PCBP3: variants seen among roughly 807,000 people sequenced by gnomAD.
PCBP3 encodes the protein poly(rC)-binding protein 3.
In PCBP3, 25 loss-of-function variants were observed where a neutral mutation model predicts 52.7. The observed-to-expected ratio is 0.47, with a 90% CI of 0.35 to 0.66. The LOEUF (loss-of-function observed/expected upper bound fraction) is 0.66, where lower values mean the gene tolerates loss of function less well. Among genes scored for constraint, PCBP3 ranks in the 30% least tolerant of loss-of-function variants. PCBP3 has a pLI of 0.01. For missense variants in PCBP3, 391 were observed against 490.3 expected, an observed-to-expected ratio of 0.80 and a Z score of 1.91; for synonymous variants, 162 against 183.0, an observed-to-expected ratio of 0.89 and a Z score of 0.93.
In PCBP3 at chr21:45,821,360, C is replaced by G. The variant is rs183535285; in HGVS notation, c.-125-28601C>G. 6.3e-4 allele frequency among the ~76,000 whole-genome samples: 95 copies of G among 151,872 alleles called. No homozygotes were observed. Among genetic ancestry groups the G allele is most frequent in the Admixed American group, 1.2e-3 (18 of 15,252 alleles). On this transcript the variant is annotated intron_variant, in intron 4 of 17. Transcript: ENST00000681687. The surrounding 1 kb of genome is among the most constrained non-coding windows in gnomAD (Gnocchi z 4.4). The stretch of plus-strand genomic sequence containing the variant: ...GGAGGTCCTCAACTGAGGTCCAGTA[C>G]CCCCCTGCACCACGCTGTGGGCCCC...
At chr21:45,725,705 A>G (rs555914641) in intron 2 of PCBP3, among the ~76,000 whole-genome samples, 60 of 152,300 alleles carry the variant, frequency 3.9e-4, no homozygotes, top group African/African-American at 1.3e-3. Flanking sequence ...CACATGCTAC[A>G]TGGAGAGCAG....
chr21:45,762,192 G>A (rs906785542), intron 4 of PCBP3: 3 of 152,328 alleles, frequency 2.0e-5, no homozygotes, highest in African/African-American at 7.2e-5. Flanking sequence ...CACATCAGCT[G>A]GACAGCCCAC....
At chr21:45,878,199 G>A (rs1189306462) in intron 5 of PCBP3, among the ~76,000 whole-genome samples, 1 of 152,388 alleles carries the variant, frequency 6.6e-6, no homozygotes, top group East Asian at 1.9e-4. Context: ...ACGCACAGGG[G>A]CAGAACTTTT....
chr21:45,897,751 C>CTCCTGGGCTGCTGTGGG (rs1245452426), intron 6 of PCBP3, among the ~76,000 whole-genome samples: 2 of 152,264 alleles, frequency 1.3e-5, no homozygotes, highest in South Asian at 2.1e-4. Flanking sequence ...ATGCATGGTG[C>CTCCTGGGCTGCTGTGGG]TCCTGGGCTG....
chr21:45,723,236 G>T (rs1015978073), intron 2 of PCBP3, among the ~76,000 whole-genome samples: 1 of 152,184 alleles, frequency 6.6e-6, no homozygotes, highest in Non-Finnish European at 1.5e-5. Context: ...ATGGCCTGCC[G>T]TCTGCGGCCT....
At chr21:45,889,360 G>A (rs537567636) in intron 5 of PCBP3, among the ~76,000 whole-genome samples, 4 of 152,236 alleles carry the variant, frequency 2.6e-5, no homozygotes, top group Non-Finnish European at 5.9e-5. Flanking sequence ...AAGCTGTCAG[G>A]ACCGTCTTCT....
intron 9 of PCBP3, 71 bp from the exon 10 acceptor site, chr21:45,909,284 C>T (rs1458242245): frequency 7.3e-6 from 11 of 1,500,532 alleles, no homozygotes; most frequent in Middle Eastern, 3.5e-4. Context: ...AGTCAGGACA[C>T]ACCCCCTGCC....
chr21:45,863,930 C>A (rs1048583080), intron 5 of PCBP3, among the ~76,000 whole-genome samples: 1 of 152,172 alleles, frequency 6.6e-6, no homozygotes. Flanking sequence ...GATGAAAAAG[C>A]GGAAATTGTG....
At chr21:45,794,928 C>CAAA (rs35538325) in intron 4 of PCBP3, among the ~76,000 whole-genome samples, 1 of 95,818 alleles carries the variant, frequency 1.0e-5, no homozygotes, top group Non-Finnish European at 2.2e-5. Context: ...GACTCTGTCT[C>CAAA]AAAAAAAAAA....
rs936104204 is a variant in PCBP3, at chr21:45,656,861, G to A, written c.-278-12013G>A. On this transcript the variant is annotated intron_variant, in intron 1 of 17. Transcript: ENST00000681687. This position sits in a 1 kb window ranked among gnomAD's most constrained non-coding sequence, Gnocchi z 4.3. ...TCTTGAGACAGAGTTTTGCTCTGTCGCCTAGGCTAGAGTGCAGTGGCGCAA... is the reference window on the plus strand; with the variant it reads ...TCTTGAGACAGAGTTTTGCTCTGTCACCTAGGCTAGAGTGCAGTGGCGCAA... Among the ~76,000 whole-genome samples the A allele has an allele frequency of 2.0e-5, 3 of 151,834 alleles. No individual in the cohort carries two copies. Among genetic ancestry groups the A allele is most frequent in the Non-Finnish European group, 4.4e-5 (3 of 67,978 alleles).
intron 4 of PCBP3, among the ~76,000 whole-genome samples, chr21:45,823,743 T>A (rs1304564585): frequency 6.6e-6 from 1 of 151,984 alleles, no homozygotes; most frequent in East Asian, 1.9e-4. Flanking sequence ...ATTTTTTAAT[T>A]TTTATTTATT....
intron 4 of PCBP3, among the ~76,000 whole-genome samples, chr21:45,810,218 C>CTGTGTGTGTGTGTGTGTGTG (rs149677854): frequency 1.2e-4 from 18 of 148,172 alleles, no homozygotes; most frequent in African/African-American, 4.0e-4. Context: ...TGATTCGATT[C>CTGTGTGTGTGTGTGTGTGTG]TGTGTGTGTG....
chr21:45,810,805 G>C (rs2092666421), intron 4 of PCBP3, among the ~76,000 whole-genome samples: 1 of 152,146 alleles, frequency 6.6e-6, no homozygotes, highest in African/African-American at 2.4e-5. Flanking sequence ...CTTCTTGTCG[G>C]GAAGGTATTT....
At chr21:45,835,730 C>T (rs2093569818) in intron 4 of PCBP3, among the ~76,000 whole-genome samples, 1 of 152,140 alleles carries the variant, frequency 6.6e-6, no homozygotes, top group African/African-American at 2.4e-5. Context: ...CATAGCAGAT[C>T]AGCTTCTCCT....
chr21:45,875,338 C>T (rs2095220886), intron 5 of PCBP3, among the ~76,000 whole-genome samples: 1 of 152,246 alleles, frequency 6.6e-6, no homozygotes, highest in African/African-American at 2.4e-5. Context: ...GGCAGCTGTT[C>T]CAGGTTGCCA....
At chr21:45,908,928 C>T (rs1238699502) in intron 9 of PCBP3, among the ~76,000 whole-genome samples, 1 of 152,182 alleles carries the variant, frequency 6.6e-6, no homozygotes, top group Non-Finnish European at 1.5e-5. Context: ...GTGCCCTCCA[C>T]ACCCAGTCGT....
intron 4 of PCBP3, among the ~76,000 whole-genome samples, chr21:45,773,336 C>T (rs534690937): frequency 2.0e-5 from 3 of 152,234 alleles, no homozygotes; most frequent in African/African-American, 7.2e-5. Context: ...GAGATAAGGT[C>T]GAATTTTATT....
chr21:45,790,929 AG>A (rs1230306962), intron 4 of PCBP3, among the ~76,000 whole-genome samples: 4 of 152,200 alleles, frequency 2.6e-5, no homozygotes, highest in Admixed American at 2.6e-4. Context: ...AGTAGGGGGA[AG>A]GAAGCCAGTT....
At chr21:45,688,380 C>T (rs2082274285) in intron 2 of PCBP3, among the ~76,000 whole-genome samples, 1 of 152,138 alleles carries the variant, frequency 6.6e-6, no homozygotes, top group African/African-American at 2.4e-5. Flanking sequence ...TTGATAAGAA[C>T]ATGAGATTCT....
Sources: gnomAD v4.1 joint callset for allele counts (sites outside exome capture counted in the v4.1 genomes callset) on GRCh38, gnomAD v4.1.1 for gene constraint, Gnocchi (gnomAD v3.1) non-coding constraint, MANE v1.5 for transcripts, NCBI Gene and HGNC (gene_info 2026-07-23, HGNC 2026-07-21) for gene names.